The following ME3 variants were observed in gnomAD, a reference collection of about 807,000 sequenced individuals.
The protein encoded by ME3 is NADP-dependent malic enzyme, mitochondrial.
In ME3, 48 loss-of-function variants were observed where a neutral mutation model predicts 68.9. That is an observed-to-expected ratio of 0.70 (90% CI 0.55 to 0.89). ME3 has a LOEUF of 0.89. ME3 is among the 40% of genes least tolerant of loss of function. ME3 has a pLI of 0.00. For missense variants in ME3, 675 were observed against 797.4 expected (o/e 0.85, Z 1.85); for synonymous variants, 320 against 318.8 (o/e 1.00, Z -0.04).
At chr11:86,596,378 C>A (rs1430790384) in intron 2 of ME3, among the ~76,000 whole-genome samples, 2 of 152,184 alleles carry the variant, frequency 1.3e-5, no homozygotes, top group African/African-American at 2.4e-5. Flanking sequence ...TTAATACTTT[C>A]ATCATGGTCA....
At chr11:86,601,751 C>T (rs1030160886) in intron 2 of ME3, among the ~76,000 whole-genome samples, 1 of 151,888 alleles carries the variant, frequency 6.6e-6, no homozygotes, top group Non-Finnish European at 1.5e-5. Flanking sequence ...AAAGCTTATC[C>T]ACCATGATCA....
chr11:86,583,374 A>G (rs1958549346), intron 2 of ME3, among the ~76,000 whole-genome samples: 1 of 152,224 alleles, frequency 6.6e-6, no homozygotes. Flanking sequence ...AACCGAATAC[A>G]AGATGTAGTG....
At chr11:86,502,053 C>CTAGG (rs762389718) in intron 5 of ME3, among the ~76,000 whole-genome samples, 2 of 152,228 alleles carry the variant, frequency 1.3e-5, no homozygotes, top group Non-Finnish European at 2.9e-5. Flanking sequence ...CTTCCATGGG[C>CTAGG]TAGGCCCAAG....
exon 6 of ME3, chr11:86,498,028 C>T: frequency 6.2e-7 from 1 of 1,613,570 alleles, no homozygotes; most frequent in Non-Finnish European, 8.5e-7. Flanking sequence ...CCTCCGCATG[C>T]CGTGTACAGG....
At chr11:86,500,270 C>A (rs941388209) in intron 5 of ME3, among the ~76,000 whole-genome samples, 1 of 152,232 alleles carries the variant, frequency 6.6e-6, no homozygotes. Context: ...TGAAGTTAAA[C>A]AGAGGAAATC....
intron 13 of ME3, among the ~76,000 whole-genome samples, chr11:86,443,209 T>A (rs971890639): frequency 6.6e-6 from 1 of 152,252 alleles, no homozygotes. Flanking sequence ...AAGCAAAGGC[T>A]ATGAGATCTC....
intron 8 of ME3, among the ~76,000 whole-genome samples, chr11:86,460,463 G>C (rs1041430334): frequency 6.6e-6 from 1 of 152,220 alleles, no homozygotes; most frequent in Non-Finnish European, 1.5e-5. Context: ...GATCAGTAGA[G>C]TGGGGCTCCC....
exon 12 of ME3, chr11:86,447,159 A>T: frequency 1.2e-6 from 2 of 1,614,190 alleles, no homozygotes; most frequent in Non-Finnish European, 1.7e-6. Context: ...GAAGGAGGCC[A>T]TGTCCCTCAG....
chr11:86,604,055 T>C (rs1289403161), intron 2 of ME3, among the ~76,000 whole-genome samples: 1 of 150,754 alleles, frequency 6.6e-6, no homozygotes, highest in Non-Finnish European at 1.5e-5. Flanking sequence ...TGTAAGTAAC[T>C]GGCACATTGT....
intron 8 of ME3, among the ~76,000 whole-genome samples, chr11:86,461,052 C>T (rs924388500): frequency 1.3e-5 from 2 of 152,174 alleles, no homozygotes; most frequent in South Asian, 4.1e-4. Flanking sequence ...CAGCAGGATG[C>T]CAGGGAGCAG....
chr11:86,518,874 T>C (rs767947884), intron 4 of ME3, among the ~76,000 whole-genome samples: 25 of 152,230 alleles, frequency 1.6e-4, no homozygotes, highest in Non-Finnish European at 2.8e-4. Flanking sequence ...CAAGGGATGA[T>C]AGAAACAGAG....
chr11:86,487,396 G>T, exon 7 of ME3: 2 of 1,614,000 alleles, frequency 1.2e-6, no homozygotes, highest in Non-Finnish European at 8.5e-7. Context: ...TCCCGTGCAC[G>T]CGCTGGTGTT....
intron 13 of ME3, among the ~76,000 whole-genome samples, chr11:86,445,700 T>C (rs1474044216): frequency 2.0e-5 from 3 of 152,276 alleles, no homozygotes; most frequent in Admixed American, 2.0e-4. Flanking sequence ...GAATATAGGC[T>C]GTCATTCTTA....
chr11:86,490,136 G>A (rs764882278), intron 6 of ME3, among the ~76,000 whole-genome samples: 12 of 152,170 alleles, frequency 7.9e-5, no homozygotes, highest in Non-Finnish European at 1.5e-4. Flanking sequence ...ACTGTATTAG[G>A]TGTGGGGGAG....
At position 86,442,697 on chromosome 11, in the gene ME3, G is replaced by T. The variant is rs2242142; in HGVS notation, c.1653+124C>A. The T allele has an allele frequency of 0.074, 55,642 of 750,392 alleles. 3,212 individuals carry two copies. The highest frequency in any genetic ancestry group is 0.24 in the African/African-American group (13,578 of 56,564). The allele number at this position is 750,392 out of a possible 1,614,324, so 46.5% of individuals were successfully genotyped here. A position where few individuals can be genotyped will look rare whatever the true frequency, so the allele number is the denominator to read the frequency against. Reference sequence around the variant, plus strand: ...TTTGTCACCCAGCCTCTGGGTTACAGGTAGTGCAGCTCAAGGAGATCCAGT... The same window carrying T: ...TTTGTCACCCAGCCTCTGGGTTACATGTAGTGCAGCTCAAGGAGATCCAGT... On this transcript the variant is annotated intron_variant, in intron 14 of 14. Coordinates refer to ENST00000543262, the Ensembl canonical transcript of ME3.
chr11:86,542,831 C>T (rs1385880646), intron 4 of ME3, among the ~76,000 whole-genome samples: 4 of 152,102 alleles, frequency 2.6e-5, no homozygotes, highest in African/African-American at 9.7e-5. Context: ...TCAAGAAGAG[C>T]AACCCCAAGA....
intron 2 of ME3, among the ~76,000 whole-genome samples, chr11:86,616,754 C>G (rs914132121): frequency 6.6e-6 from 1 of 152,170 alleles, no homozygotes; most frequent in East Asian, 1.9e-4. Flanking sequence ...GATTGAGACA[C>G]TGTCATAACC....
At chr11:86,608,468 C>G (rs1454376184) in intron 2 of ME3, among the ~76,000 whole-genome samples, 2 of 152,170 alleles carry the variant, frequency 1.3e-5, no homozygotes, top group Admixed American at 6.5e-5. Flanking sequence ...TCTGAGGATG[C>G]ACTCTCAATA....
chr11:86,507,977 A>G (rs1355641707), intron 5 of ME3, among the ~76,000 whole-genome samples: 1 of 6,108 alleles, frequency 1.6e-4, no homozygotes, highest in Non-Finnish European at 5.6e-4. Flanking sequence ...ACTCTGTCTC[A>G]AAAAAAAAAA....
Sources: gnomAD v4.1 joint callset for allele counts (sites outside exome capture counted in the v4.1 genomes callset) on GRCh38, gnomAD v4.1.1 for gene constraint, MANE v1.5 for transcripts, NCBI Gene and HGNC (gene_info 2026-07-23, HGNC 2026-07-21) for gene names.